Variants in ELAVL1 observed in about 807,000 individuals in gnomAD.
The protein encoded by ELAVL1 is ELAV like RNA binding protein 1.
Under a neutral mutation model 28.4 loss-of-function variants are expected in ELAVL1, and 1 was observed. The ratio of observed to expected loss-of-function variants is 0.04; its 90% CI spans 0.01 to 0.17. ELAVL1 has a LOEUF of 0.17. Ranked by LOEUF, ELAVL1 falls within the 10% of genes least tolerant of loss-of-function variation. The pLI is 1.00. For missense variants in ELAVL1, 157 were observed against 447.2 expected (o/e 0.35, Z 5.85); for synonymous variants, 174 against 183.5 (o/e 0.95, Z 0.42).
intron 1 of ELAVL1, among the ~76,000 whole-genome samples, chr19:8,003,641 G>A (rs1219614748): frequency 6.9e-6 from 1 of 144,958 alleles, no homozygotes; most frequent in Non-Finnish European, 1.5e-5. Flanking sequence ...GCAGTGAGCC[G>A]AGATCGCACC....
chr19:7,972,800 CTTTTTTTTTTTTTTTTTTTT>C (rs386388490), intron 4 of ELAVL1: 2 of 42,050 alleles, frequency 4.8e-5, no homozygotes, highest in African/African-American at 1.9e-4. Flanking sequence ...CTGCAGTATC[CTTTTTTTTTTTTTTTTTTTT>C]TTTTTTTTTG....
At chr19:7,975,062 G>A (rs975411244) in intron 3 of ELAVL1, among the ~76,000 whole-genome samples, 3 of 152,190 alleles carry the variant, frequency 2.0e-5, no homozygotes, top group Non-Finnish European at 2.9e-5. Context: ...CTCTGGGGAA[G>A]CCGTGCTGCT....
intron 3 of ELAVL1, among the ~76,000 whole-genome samples, chr19:7,980,827 C>G (rs1033527504): frequency 2.6e-5 from 4 of 152,122 alleles, no homozygotes; most frequent in Non-Finnish European, 5.9e-5. Context: ...GATGGGAACA[C>G]AGAGAGCCAG....
intron 5 of ELAVL1, 129 bp downstream of exon 5, chr19:7,967,436 G>T: frequency 9.6e-7 from 1 of 1,041,336 alleles, no homozygotes; most frequent in Non-Finnish European, 1.4e-6. Flanking sequence ...TGGAGCTGCA[G>T]AATGATTCTG....
intron 1 of ELAVL1, among the ~76,000 whole-genome samples, chr19:8,003,463 C>T (rs533883451): frequency 6.7e-6 from 1 of 150,276 alleles, no homozygotes; most frequent in Non-Finnish European, 1.5e-5. Context: ...GAGGCCGAGG[C>T]GGGCGGATCA....
rs983340567 is a variant in ELAVL1 at position 7,961,803 on chromosome 19, CG to C, written c.*1679del. ...TCGAGACGCTGACCTGCTCTGGGGACGGTGGTGCCTGCCTATTGCTCAATTT... is the reference window on the plus strand; with the variant it reads ...TCGAGACGCTGACCTGCTCTGGGGACGTGGTGCCTGCCTATTGCTCAATTT... On this transcript the variant is annotated 3_prime_UTR_variant, in exon 6 of 6. Transcript: ENST00000407627. 13 of 152,124 alleles carry C rather than the reference CG, an allele frequency of 8.5e-5. No individual in the cohort carries two copies. Among genetic ancestry groups the C allele is most frequent in the African/African-American group, 3.1e-4 (13 of 41,402 alleles). 9.4% of individuals were successfully genotyped at this position (152,124 alleles called of 1,614,324 possible).
At position 7,963,463 on chromosome 19, in the gene ELAVL1, CA is replaced by C. The variant is rs574434409; in HGVS notation, c.*19del. ...TTCACTCTTAATTATCTATTCCGTA[CA>C]AAAAAAAGCATGAGCGAGTTATTTG... On this transcript the variant is annotated 3_prime_UTR_variant, in exon 6 of 6. Transcript: ENST00000407627. The surrounding 1 kb of genome is among the most constrained non-coding windows in gnomAD (Gnocchi z 4.5). 18 of 1,593,728 alleles carry C rather than the reference CA, an allele frequency of 1.1e-5. No homozygotes were observed. Among genetic ancestry groups the C allele is most frequent in the South Asian group, 5.6e-5 (5 of 89,196 alleles).
chr19:8,002,088 A>AC (rs2081069983), intron 1 of ELAVL1: 1 of 1,289,130 alleles, frequency 7.8e-7, no homozygotes, highest in Admixed American at 2.3e-5. Flanking sequence ...CCCAGTGGAC[A>AC]CCTGAGCACT....
chr19:7,986,406 C>T (rs183682342), intron 2 of ELAVL1, among the ~76,000 whole-genome samples: 16 of 152,332 alleles, frequency 1.1e-4, no homozygotes, highest in African/African-American at 3.4e-4. Context: ...AAAAGTAGTA[C>T]AAACAACCAC....
At chr19:7,984,630 A>T (rs1166359158) in intron 2 of ELAVL1, among the ~76,000 whole-genome samples, 34 of 152,172 alleles carry the variant, frequency 2.2e-4, no homozygotes, top group Non-Finnish European at 1.5e-5. Context: ...TAGTGGGGGC[A>T]GGCCCCTGAT....
chr19:7,990,433 T>G (rs748658308), intron 2 of ELAVL1, among the ~76,000 whole-genome samples: 1 of 151,184 alleles, frequency 6.6e-6, no homozygotes, highest in Non-Finnish European at 1.5e-5. Context: ...AGGTGCAATC[T>G]CAGCTCACTG....
intron 3 of ELAVL1, among the ~76,000 whole-genome samples, chr19:7,977,669 ACTC>A (rs2145210044): frequency 6.6e-6 from 1 of 152,186 alleles, no homozygotes; most frequent in South Asian, 2.1e-4. Flanking sequence ...AGGAGACAGG[ACTC>A]CTCCTTCTCC....
intron 1 of ELAVL1, among the ~76,000 whole-genome samples, chr19:7,993,797 C>T (rs1410996446): frequency 6.6e-6 from 1 of 152,168 alleles, no homozygotes; most frequent in Non-Finnish European, 1.5e-5. Context: ...TGCCCACGGT[C>T]ATGCGCCTTT....
intron 2 of ELAVL1, among the ~76,000 whole-genome samples, chr19:7,983,177 C>T (rs539940372): frequency 2.0e-5 from 3 of 152,310 alleles, no homozygotes; most frequent in East Asian, 3.9e-4. Flanking sequence ...CCTCTAGACT[C>T]GTATTTCTAA....
intron 1 of ELAVL1, among the ~76,000 whole-genome samples, chr19:7,998,868 C>T (rs1301785207): frequency 1.3e-5 from 2 of 152,204 alleles, no homozygotes; most frequent in African/African-American, 4.8e-5. Context: ...GGCATAATCA[C>T]GGCTCACTGC....
chr19:7,981,225 T>C lies in ELAVL1; in HGVS notation c.173-39A>G, dbSNP rs1985453339. 4.4e-6 allele frequency: 7 copies of C among 1,607,510 alleles called. No homozygotes were observed. In the South Asian group the frequency reaches 5.5e-5, roughly 13 times the overall value. On this transcript the variant is annotated intron_variant, in intron 2 of 5. Transcript: ENST00000407627. This position sits in a 1 kb window ranked among gnomAD's most constrained non-coding sequence, Gnocchi z 4.2. ...CATGAAGACATTGGTAAGCCAACCG[T>C]CTGCGAGTGAGGGACAGGGAGGTCG... is the stretch of plus-strand genomic sequence containing the variant.
Position 7,963,957 on chromosome 19 carries a change from C to T in ELAVL1, c.657-150G>A. On this transcript the variant is annotated intron_variant, in intron 5 of 5. Transcript: ENST00000407627. This position sits in a 1 kb window ranked among gnomAD's most constrained non-coding sequence, Gnocchi z 4.5. ...TCACGGTTGAGACACCTGCATGGGT[C>T]AAAACCCTGGGAGGAATTAAATACA... 1.2e-6 allele frequency: 1 copy of T among 863,306 alleles called. No individual in the cohort carries two copies. The highest frequency in any genetic ancestry group is 3.6e-4 in the Middle Eastern group (1 of 2,808). 53.5% of individuals were successfully genotyped at this position (863,306 alleles called of 1,614,324 possible).
chr19:7,990,007 T>G lies in ELAVL1; in HGVS notation c.172+1637A>C, dbSNP rs897582368. 6.6e-5 allele frequency among the ~76,000 whole-genome samples: 10 copies of G among 152,228 alleles called. 1 individual carries two copies. Among genetic ancestry groups the G allele is most frequent in the African/African-American group, 2.4e-5 (1 of 41,452 alleles). On this transcript the variant is annotated intron_variant, in intron 2 of 5. Coordinates refer to ENST00000407627, the MANE Select transcript of ELAVL1 (RefSeq NM_001419.3). Reference sequence around the variant, plus strand: ...TATGTTCATGTATGCCTGAAATGTTTCATAATAGAAACTTTTGTTAACTTT... The same window carrying G: ...TATGTTCATGTATGCCTGAAATGTTGCATAATAGAAACTTTTGTTAACTTT...
At chr19:7,984,894 C>T (rs546149006) in intron 2 of ELAVL1, among the ~76,000 whole-genome samples, 58 of 152,322 alleles carry the variant, frequency 3.8e-4, no homozygotes, top group Middle Eastern at 3.4e-3. Flanking sequence ...CCAGGCGACA[C>T]CCCCAACCAA....
Sources: gnomAD v4.1 joint callset for allele counts (sites outside exome capture counted in the v4.1 genomes callset) on GRCh38, gnomAD v4.1.1 for gene constraint, Gnocchi (gnomAD v3.1) non-coding constraint, MANE v1.5 for transcripts, NCBI Gene and HGNC (gene_info 2026-07-23, HGNC 2026-07-21) for gene names.